The following SEC22C variants were observed in gnomAD, a reference collection of about 807,000 sequenced individuals.
SEC22C encodes SEC22 homolog C, vesicle trafficking protein.
Under a neutral mutation model 34.7 loss-of-function variants are expected in SEC22C, and 29 were observed. That is an observed-to-expected ratio of 0.84 (90% CI 0.62 to 1.14). The LOEUF (loss-of-function observed/expected upper bound fraction) is 1.14, where lower values mean the gene tolerates loss of function less well. Ranked by LOEUF, SEC22C falls within the 50% of genes most tolerant of loss-of-function variation. The pLI is 0.00. For synonymous variants in SEC22C, 117 were observed against 132.8 expected (o/e 0.88, Z 0.82); for missense variants, 337 against 369.0 (o/e 0.91, Z 0.71).
At chr3:42,593,411 C>T (rs1039379943) in intron 1 of SEC22C, among the ~76,000 whole-genome samples, 5 of 151,940 alleles carry the variant, frequency 3.3e-5, no homozygotes, top group African/African-American at 9.7e-5. Flanking sequence ...AGCAAGACTC[C>T]GTCTCAATAA....
chr3:42,578,970 T>C (rs1394452088), intron 1 of SEC22C, among the ~76,000 whole-genome samples: 2 of 152,140 alleles, frequency 1.3e-5, no homozygotes, highest in Non-Finnish European at 2.9e-5. Flanking sequence ...CAAAGACAAC[T>C]AGTATTCAAC....
At position 42,553,288 on chromosome 3, in the gene SEC22C, G is replaced by T. The variant is rs1184509671; in HGVS notation, c.872C>A (p.Thr291Lys). 1 of 1,614,136 alleles carries T rather than the reference G, an allele frequency of 6.2e-7. No individual in the cohort carries two copies. The highest frequency in any genetic ancestry group is 8.5e-7 in the Non-Finnish European group (1 of 1,180,026). The stretch of plus-strand genomic sequence containing the variant: ...AGACTGCTTCTCCTGAAGCTGCCTT[G>T]TTAGTATCTGATATGAAGACAGAAA... ...VAFLSSYQILTRQLQEKQSDC... is the reference protein window; with the variant it reads ...VAFLSSYQILKRQLQEKQSDC... Residue 291 changes from threonine to lysine, a missense_variant, in exon 7 of 7, where the codon ACA becomes AAA. By Grantham distance (78) the Thr-to-Lys change is moderately conservative. Coordinates refer to ENST00000264454, the MANE Select transcript of SEC22C (RefSeq NM_032970.4).
At chr3:42,592,166 G>A (rs753869379) in intron 1 of SEC22C, among the ~76,000 whole-genome samples, 1 of 151,930 alleles carries the variant, frequency 6.6e-6, no homozygotes, top group Non-Finnish European at 1.5e-5. Context: ...TCTCTTTTCC[G>A]AATCTAGTCC....
In SEC22C at chr3:42,591,390, T is replaced by A; in HGVS notation, c.-28+9570A>T. 5 of 661,162 alleles carry A rather than the reference T, an allele frequency of 7.6e-6. No individual in the cohort carries two copies. The South Asian group carries it at 8.5e-5, about 11-fold the overall frequency. 41.0% of individuals were successfully genotyped at this position (661,162 alleles called of 1,614,324 possible). A position where few individuals can be genotyped will look rare whatever the true frequency, so the allele number is the denominator to read the frequency against. On this transcript the variant is annotated intron_variant, in intron 1 of 6. Transcript: ENST00000417572. ...ATTTTTGTATTTTTAGTATGGGGTT[T>A]CCCCATGTTGGCCAGGCTAGTCTCG...
At chr3:42,580,669 G>T (rs1480951550) in intron 1 of SEC22C, among the ~76,000 whole-genome samples, 1 of 152,204 alleles carries the variant, frequency 6.6e-6, no homozygotes, top group Non-Finnish European at 1.5e-5. Context: ...TGGGAAAACT[G>T]CAGCTGTAAG....
At chr3:42,562,501 TA>T (rs1406820455) in intron 3 of SEC22C, among the ~76,000 whole-genome samples, 1 of 152,214 alleles carries the variant, frequency 6.6e-6, no homozygotes, top group Admixed American at 6.5e-5. Flanking sequence ...AAGAGGGTGC[TA>T]GCCCCATTCC....
Position 42,549,121 on chromosome 3 carries a change from ACT to A in SEC22C, c.*4125_*4126del. The A allele has an allele frequency of 1.0e-6, 1 of 993,048 alleles. No homozygotes were observed. 61.5% of individuals were successfully genotyped at this position (993,048 alleles called of 1,614,324 possible). On this transcript the variant is annotated 3_prime_UTR_variant, in exon 7 of 7. Coordinates refer to ENST00000264454, the MANE Select transcript of SEC22C (RefSeq NM_032970.4). Reference sequence around the variant, plus strand: ...CCTTCTCTCTCAAGGGCACAGCTACACTCTTTCTCCACCATTATTAACACTCA... The same window carrying A: ...CCTTCTCTCTCAAGGGCACAGCTACACTTTCTCCACCATTATTAACACTCA...
In SEC22C at chr3:42,552,999, T is replaced by G; in HGVS notation, c.*249A>C. 1 of 1,304,014 alleles carries G rather than the reference T, an allele frequency of 7.7e-7. No homozygotes were observed. The highest frequency in any genetic ancestry group is 3.2e-5 in the East Asian group (1 of 30,904). The allele number at this position is 1,304,014 out of a possible 1,614,324, so 80.8% of individuals were successfully genotyped here. The stretch of plus-strand genomic sequence containing the variant: ...AGCTCTTTCTGGATGAGCCCCCAGA[T>G]CCAGCTGTCCTAGGTAAACGTGCTG... On this transcript the variant is annotated 3_prime_UTR_variant, in exon 7 of 7. Transcript: ENST00000264454.
At position 42,549,425 on chromosome 3, in the gene SEC22C, G is replaced by T. The variant is rs558392129; in HGVS notation, c.*3823C>A. The T allele has an allele frequency of 4.1e-6, 4 of 985,552 alleles. No homozygotes were observed. In the African/African-American group the frequency reaches 5.2e-5, roughly 13 times the overall value. 61.1% of individuals were successfully genotyped at this position (985,552 alleles called of 1,614,324 possible). A position where few individuals can be genotyped will look rare whatever the true frequency, so the allele number is the denominator to read the frequency against. ...AGTGTGCAACCCCCATATGCCAAGG[G>T]GCAGCTGCTATCTTCCAGCAGAGAG... On this transcript the variant is annotated 3_prime_UTR_variant, in exon 7 of 7. Coordinates refer to ENST00000264454, the MANE Select transcript of SEC22C (RefSeq NM_032970.4).
chr3:42,560,679 C>T (rs2125703238), intron 4 of SEC22C, among the ~76,000 whole-genome samples: 1 of 152,188 alleles, frequency 6.6e-6, no homozygotes, highest in South Asian at 2.1e-4. Context: ...TTCTGTCACC[C>T]AGGCTAGAGT....
chr3:42,589,331 T>G (rs1338748880), intron 1 of SEC22C, among the ~76,000 whole-genome samples: 2 of 151,956 alleles, frequency 1.3e-5, no homozygotes, highest in Admixed American at 6.6e-5. Context: ...ATAAAGGGAT[T>G]GTGGAGAGAA....
chr3:42,590,993 G>C, intron 1 of SEC22C: 2 of 531,082 alleles, frequency 3.8e-6, no homozygotes, highest in Non-Finnish European at 7.2e-6. Flanking sequence ...GCGGGCGGGC[G>C]GGCGGAGAGA....
intron 4 of SEC22C, among the ~76,000 whole-genome samples, chr3:42,558,493 A>AAC (rs1037110632): frequency 6.6e-6 from 1 of 150,946 alleles, no homozygotes; most frequent in African/African-American, 2.4e-5. Flanking sequence ...CTCAAAAAAA[A>AAC]AAAAAAAAAA....
At chr3:42,554,236 C>T (rs1018259733) in intron 6 of SEC22C, among the ~76,000 whole-genome samples, 4 of 152,152 alleles carry the variant, frequency 2.6e-5, no homozygotes, top group Non-Finnish European at 4.4e-5. Context: ...AGTCCTAAAA[C>T]ATAGCTCTAG....
chr3:42,557,557 T>TTAA (rs35532938), intron 5 of SEC22C, 21 bp downstream of exon 5: 1,810 of 1,004,214 alleles, frequency 1.8e-3, no homozygotes, highest in South Asian at 4.4e-3. Flanking sequence ...TAAACTGTTT[T>TTAA]AAAAAAAAAA....
At position 42,552,222 on chromosome 3, in the gene SEC22C, G is replaced by T; in HGVS notation, c.*1026C>A. On this transcript the variant is annotated 3_prime_UTR_variant, in exon 7 of 7. Coordinates refer to ENST00000264454, the MANE Select transcript of SEC22C (RefSeq NM_032970.4). ...TTAACTCTTGTTCATAAAAAATGAGGCCCTCAAGCTAATTAAGATGACTGG... is the reference window on the plus strand; with the variant it reads ...TTAACTCTTGTTCATAAAAAATGAGTCCCTCAAGCTAATTAAGATGACTGG... The T allele has an allele frequency of 1.0e-6, 1 of 985,226 alleles. No individual in the cohort carries two copies. Among genetic ancestry groups the T allele is most frequent in the African/African-American group, 1.7e-5 (1 of 57,334 alleles). 61.0% of individuals were successfully genotyped at this position (985,226 alleles called of 1,614,324 possible).
chr3:42,598,679 T>C (rs1054848705), intron 1 of SEC22C, among the ~76,000 whole-genome samples: 1 of 151,864 alleles, frequency 6.6e-6, no homozygotes, highest in Non-Finnish European at 1.5e-5. Context: ...AGACAAATAC[T>C]AGAGTAGACA....
At chr3:42,597,924 A>C (rs1394403743) in intron 1 of SEC22C, among the ~76,000 whole-genome samples, 1 of 152,242 alleles carries the variant, frequency 6.6e-6, no homozygotes, top group East Asian at 1.9e-4. Context: ...AAACCAAAAA[A>C]TAACAAGTGT....
chr3:42,559,726 T>C (rs1702755107), intron 4 of SEC22C, among the ~76,000 whole-genome samples: 1 of 152,238 alleles, frequency 6.6e-6, no homozygotes, highest in Non-Finnish European at 1.5e-5. Context: ...TATGCCATTA[T>C]AGAATTCTTC....
Sources: allele counts gnomAD v4.1 joint callset (sites outside exome capture counted in the v4.1 genomes callset), GRCh38; gene constraint gnomAD v4.1.1; transcripts MANE v1.5; gene names NCBI Gene and HGNC (gene_info 2026-07-23, HGNC 2026-07-21).